The following KIF13A variants were observed in gnomAD, a reference collection of about 807,000 sequenced individuals.
KIF13A encodes the protein kinesin-like protein KIF13A.
Under a neutral mutation model 212.2 loss-of-function variants are expected in KIF13A, and 79 were observed. The ratio of observed to expected loss-of-function variants is 0.37; its 90% CI spans 0.31 to 0.45. The LOEUF is 0.45. Among genes scored for constraint, KIF13A ranks in the 20% least tolerant of loss-of-function variants. The probability of loss-of-function intolerance (pLI) is 1.00; values close to 1 mark genes in which losing one functional copy is unlikely to be tolerated. For synonymous variants in KIF13A, 789 were observed against 808.6 expected (o/e 0.98, Z 0.41); for missense variants, 1,901 against 2,209.0 (o/e 0.86, Z 2.79).
At chr6:17,865,424 C>G (rs889284563) in intron 4 of KIF13A, among the ~76,000 whole-genome samples, 2 of 152,110 alleles carry the variant, frequency 1.3e-5, no homozygotes, top group Admixed American at 1.3e-4. Flanking sequence ...ACAGGGCTGA[C>G]AGGCACAGCG....
chr6:17,976,397 G>T (rs1780486189), intron 2 of KIF13A, among the ~76,000 whole-genome samples: 1 of 152,182 alleles, frequency 6.6e-6, no homozygotes, highest in African/African-American at 2.4e-5. Context: ...ACTGCTGGGG[G>T]ACCCAGTACA....
chr6:17,803,058 C>T (rs920761295), intron 20 of KIF13A, among the ~76,000 whole-genome samples: 331 of 151,720 alleles, frequency 2.2e-3, no homozygotes, highest in African/African-American at 7.7e-3. Context: ...CTCAGCCTCC[C>T]GAGTAGCTGG....
downstream of KIF13A, among the ~76,000 whole-genome samples, chr6:17,761,077 A>T (rs913084352): frequency 3.3e-5 from 5 of 152,190 alleles, no homozygotes; most frequent in Non-Finnish European, 7.3e-5. Context: ...AAGGAAAAGT[A>T]ATGACAGCAA....
At chr6:17,875,290 T>C (rs1770446576) in intron 3 of KIF13A, among the ~76,000 whole-genome samples, 1 of 152,058 alleles carries the variant, frequency 6.6e-6, no homozygotes, top group African/African-American at 2.4e-5. Context: ...GTGTTCCCTG[T>C]TGACCGCATC....
In KIF13A at chr6:17,987,538, G is replaced by T. The variant is rs1781686118; in HGVS notation, c.-75C>A. ...GCCCCTCACGCGCGGCGCCGCCGCC[G>T]CTGCAGCCGCGCGCCCCTCGAGCGC... On this transcript the variant is annotated 5_prime_UTR_variant, in exon 1 of 39. Transcript: ENST00000259711. The surrounding 1 kb of genome is among the most constrained non-coding windows in gnomAD (Gnocchi z 7.7). 2 of 810,492 alleles carry T rather than the reference G, an allele frequency of 2.5e-6. No homozygotes were observed. The highest frequency in any genetic ancestry group is 1.9e-5 in the African/African-American group (1 of 52,370). 50.2% of individuals were successfully genotyped at this position (810,492 alleles called of 1,614,324 possible). A position where few individuals can be genotyped will look rare whatever the true frequency, so the allele number is the denominator to read the frequency against.
chr6:17,985,117 T>C (rs1447556921), intron 2 of KIF13A, among the ~76,000 whole-genome samples: 1 of 152,156 alleles, frequency 6.6e-6, no homozygotes, highest in Non-Finnish European at 1.5e-5. Flanking sequence ...GTAAATGAAA[T>C]GACCGGTACT....
intron 17 of KIF13A, among the ~76,000 whole-genome samples, chr6:17,813,993 C>T (rs1045434867): frequency 2.1e-5 from 3 of 141,822 alleles, no homozygotes; most frequent in Non-Finnish European, 3.0e-5. Context: ...TGCTCTGTTG[C>T]CCAGGCTGGA....
At chr6:17,798,374 G>A (rs576121591) in intron 22 of KIF13A, among the ~76,000 whole-genome samples, 1 of 151,906 alleles carries the variant, frequency 6.6e-6, no homozygotes, top group South Asian at 2.1e-4. Flanking sequence ...AGAAAGATGG[G>A]GAATATTTAA....
chr6:17,836,910 C>T lies in KIF13A; in HGVS notation c.1123G>A (p.Glu375Lys), dbSNP rs752618857. Residue 375 changes from glutamate (E) to lysine (K), a missense_variant, in exon 11 of 39, where the codon GAG becomes AAG. Glu to Lys is a moderately conservative substitution (Grantham distance 56). Coordinates refer to ENST00000259711, the MANE Select transcript of KIF13A (RefSeq NM_022113.6). ...TGAGAGAGCTGCTCTCTCAGTTTCT[C>T]GACTTCCTCCCGCAGTTCTCGGATC... Reference protein sequence around the residue: ...KVIRELREEVEKLREQLSQAE... With the variant: ...KVIRELREEVKKLREQLSQAE... 9.9e-6 allele frequency: 16 copies of T among 1,613,878 alleles called. No individual in the cohort carries two copies. The Admixed American group carries it at 1.3e-4, about 13-fold the overall frequency.
intron 3 of KIF13A, chr6:17,882,198 T>A: frequency 2.5e-6 from 1 of 398,512 alleles, no homozygotes; most frequent in Non-Finnish European, 5.1e-6. Context: ...AACTGCAAAA[T>A]GGTCAATCTG....
At chr6:17,932,204 T>G (rs908332958) in intron 2 of KIF13A, among the ~76,000 whole-genome samples, 1 of 152,292 alleles carries the variant, frequency 6.6e-6, no homozygotes, top group South Asian at 2.1e-4. Context: ...AATGGGGTTA[T>G]GGTAGACATA....
intron 38 of KIF13A, chr6:17,770,871 A>G: frequency 1.7e-6 from 1 of 596,412 alleles, no homozygotes; most frequent in Non-Finnish European, 2.6e-6. Flanking sequence ...GCCAGAAGCA[A>G]TAAAAGTGCC....
intron 3 of KIF13A, among the ~76,000 whole-genome samples, chr6:17,890,318 G>A (rs576137018): frequency 4.6e-4 from 70 of 152,130 alleles, no homozygotes; most frequent in Admixed American, 3.9e-3. Context: ...TTATTCCTGT[G>A]TGTGTTTCAA....
intron 2 of KIF13A, among the ~76,000 whole-genome samples, chr6:17,955,457 T>A (rs1262939446): frequency 6.6e-6 from 1 of 152,258 alleles, no homozygotes; most frequent in East Asian, 1.9e-4. Context: ...TTTGGATATC[T>A]GACCAAACAA....
intron 19 of KIF13A, 48 bp downstream of exon 19, chr6:17,805,427 C>T (rs1233788766): frequency 2.0e-6 from 3 of 1,512,926 alleles, no homozygotes; most frequent in African/African-American, 1.4e-5. Context: ...CGCTTATATT[C>T]TCTGTTTTTA....
At chr6:17,910,524 T>C (rs1773945689) in intron 2 of KIF13A, among the ~76,000 whole-genome samples, 1 of 152,256 alleles carries the variant, frequency 6.6e-6, no homozygotes, top group South Asian at 2.1e-4. Flanking sequence ...TATAGTTTAA[T>C]AGTTTGACTA....
Position 17,764,158 on chromosome 6 carries a change from GTCATTCT to G in KIF13A, c.5363_5369del (p.Glu1788AlafsTer3). The G allele has an allele frequency of 6.2e-7, 1 of 1,613,968 alleles. No homozygotes were observed. Among genetic ancestry groups the G allele is most frequent in the Non-Finnish European group, 8.5e-7 (1 of 1,179,886 alleles). ...AGGCTGCCTCTGGAATTATTACCTGGTCATTCTCTAACTTGGAATGCAGCTGGCTGGG... is the reference window on the plus strand; with the variant it reads ...AGGCTGCCTCTGGAATTATTACCTGGCTAACTTGGAATGCAGCTGGCTGGG... On this transcript the variant is annotated frameshift_variant, in exon 39 of 39. Transcript: ENST00000259711. LOFTEE classifies it low-confidence loss of function (END_TRUNC). The surrounding 1 kb of genome is among the most constrained non-coding windows in gnomAD (Gnocchi z 5.1).
Position 17,771,263 on chromosome 6 carries a change from A to G in KIF13A, c.4477-45T>C, listed in dbSNP as rs1222060939. 5.6e-6 allele frequency: 7 copies of G among 1,260,136 alleles called. No homozygotes were observed. The Admixed American group carries it at 1.3e-4, about 24-fold the overall frequency. 78.1% of individuals were successfully genotyped at this position (1,260,136 alleles called of 1,614,324 possible). On this transcript the variant is annotated intron_variant, in intron 37 of 38. Coordinates refer to ENST00000259711, the MANE Select transcript of KIF13A (RefSeq NM_022113.6). This position sits in a 1 kb window ranked among gnomAD's most constrained non-coding sequence, Gnocchi z 5.4. Reference sequence around the variant, plus strand: ...CAGATGCATCACACACAAAGACGACAACGGCCAAAATACATATTAAGTACA... The same window carrying G: ...CAGATGCATCACACACAAAGACGACGACGGCCAAAATACATATTAAGTACA...
At chr6:17,840,688 G>A (rs561910933) in intron 9 of KIF13A, among the ~76,000 whole-genome samples, 1 of 152,092 alleles carries the variant, frequency 6.6e-6, no homozygotes, top group East Asian at 1.9e-4. Context: ...AAAGTTTCTA[G>A]TACTCCTAAA....
Sources: allele counts gnomAD v4.1 joint callset (sites outside exome capture counted in the v4.1 genomes callset), GRCh38; gene constraint gnomAD v4.1.1; non-coding constraint Gnocchi (gnomAD v3.1); transcripts MANE v1.5; gene names NCBI Gene and HGNC (gene_info 2026-07-23, HGNC 2026-07-21).